Variants in CENPP observed in about 807,000 individuals in gnomAD.
CENPP encodes centromere protein P.
In CENPP, 24 loss-of-function variants were observed where a neutral mutation model predicts 35.6. That is an observed-to-expected ratio of 0.67 (90% CI 0.49 to 0.95). CENPP has a LOEUF of 0.95. CENPP is among the 40% of genes least tolerant of loss of function. The pLI is 0.00. For missense variants in CENPP, 332 were observed against 345.3 expected (o/e 0.96, Z 0.31); for synonymous variants, 120 against 125.5 (o/e 0.96, Z 0.29).
At chr9:92,567,403 T>TAGATAGATAGATAG (rs1176766190) in intron 5 of CENPP, among the ~76,000 whole-genome samples, 4 of 138,674 alleles carry the variant, frequency 2.9e-5, no homozygotes, top group South Asian at 2.2e-4. Flanking sequence ...TATAGATATA[T>TAGATAGATAGATAG]ATATAAAGTG....
intron 5 of CENPP, chr9:92,457,189 C>T (rs1172086774): frequency 6.8e-7 from 1 of 1,460,056 alleles, no homozygotes; most frequent in Admixed American, 2.6e-5. Context: ...TAGATATTTG[C>T]TTGTATATAT....
intron 5 of CENPP, among the ~76,000 whole-genome samples, chr9:92,544,427 G>A (rs538639455): frequency 6.6e-6 from 1 of 152,178 alleles, no homozygotes; most frequent in Non-Finnish European, 1.5e-5. Context: ...AGCGAGCCAC[G>A]ATTGCACCAC....
At chr9:92,496,616 A>G in intron 5 of CENPP, 2 of 1,100,344 alleles carry the variant, frequency 1.8e-6, no homozygotes, top group East Asian at 3.0e-5. Flanking sequence ...AATAAATTCC[A>G]ACTACGTCAG....
chr9:92,385,543 C>G, intron 5 of CENPP: 1 of 1,262,578 alleles, frequency 7.9e-7, no homozygotes, highest in Non-Finnish European at 1.1e-6. Flanking sequence ...TAAACCAATA[C>G]TTAAGTTCCT....
At chr9:92,551,912 A>AT (rs1849595207) in intron 5 of CENPP, among the ~76,000 whole-genome samples, 1 of 101,490 alleles carries the variant, frequency 9.9e-6, no homozygotes, top group Non-Finnish European at 2.0e-5. Flanking sequence ...TTTGTTATAT[A>AT]TATGGTGTGT....
intron 4 of CENPP, among the ~76,000 whole-genome samples, chr9:92,378,258 A>G (rs1006343096): frequency 2.0e-5 from 3 of 152,120 alleles, no homozygotes; most frequent in Non-Finnish European, 4.4e-5. Flanking sequence ...TAGGAGTGAA[A>G]GGGGCACAGC....
At chr9:92,471,523 A>G (rs1845515772) in intron 5 of CENPP, among the ~76,000 whole-genome samples, 1 of 151,996 alleles carries the variant, frequency 6.6e-6, no homozygotes, top group African/African-American at 2.4e-5. Flanking sequence ...GAAGCCTTAG[A>G]TAGTTGTGTT....
At chr9:92,601,608 G>A (rs1243213724) in intron 5 of CENPP, among the ~76,000 whole-genome samples, 4 of 152,182 alleles carry the variant, frequency 2.6e-5, no homozygotes, top group African/African-American at 2.4e-5. Context: ...TATTAGGCCC[G>A]GGAAAGTCTC....
intron 5 of CENPP, among the ~76,000 whole-genome samples, chr9:92,601,667 G>A (rs1047075704): frequency 1.3e-5 from 2 of 152,206 alleles, no homozygotes; most frequent in African/African-American, 4.8e-5. Context: ...CACGCTCCAT[G>A]TGCCCACAGA....
At chr9:92,580,791 G>C (rs372417954) in intron 5 of CENPP, among the ~76,000 whole-genome samples, 38 of 152,318 alleles carry the variant, frequency 2.5e-4, no homozygotes, top group African/African-American at 6.3e-4. Context: ...TTTTTTGTGT[G>C]TCTATTTCCT....
chr9:92,453,306 T>C (rs1272239046), intron 5 of CENPP, among the ~76,000 whole-genome samples: 3 of 152,204 alleles, frequency 2.0e-5, no homozygotes, highest in Non-Finnish European at 2.9e-5. Context: ...TGTGTCTTTG[T>C]TCTCATTGGT....
chr9:92,339,247 C>T (rs998031054), intron 3 of CENPP, among the ~76,000 whole-genome samples: 3 of 152,196 alleles, frequency 2.0e-5, no homozygotes, highest in Non-Finnish European at 4.4e-5. Context: ...ATTCCTTATC[C>T]TTTTCATCAG....
At chr9:92,406,892 G>C (rs190040588) in intron 5 of CENPP, among the ~76,000 whole-genome samples, 10 of 152,252 alleles carry the variant, frequency 6.6e-5, no homozygotes, top group Admixed American at 6.5e-4. Context: ...CCGCACTTCT[G>C]ATACCAACAG....
intron 1 of CENPP, among the ~76,000 whole-genome samples, chr9:92,330,632 T>C (rs539835102): frequency 6.6e-6 from 1 of 151,944 alleles, no homozygotes; most frequent in South Asian, 2.1e-4. Flanking sequence ...TCTAATACAA[T>C]TATTAGCTAA....
intron 5 of CENPP, among the ~76,000 whole-genome samples, chr9:92,453,428 A>G (rs150625182): frequency 6.6e-6 from 1 of 152,102 alleles, no homozygotes; most frequent in Non-Finnish European, 1.5e-5. Context: ...GTTTCTTAAT[A>G]CTGAGTTCTA....
At chr9:92,440,383 A>AAATAAATCAATCAATC (rs1336594042) in intron 5 of CENPP, among the ~76,000 whole-genome samples, 1 of 151,890 alleles carries the variant, frequency 6.6e-6, no homozygotes. Flanking sequence ...ATAAATAAAT[A>AAATAAATCAATCAATC]AATCACAAGA....
At chr9:92,392,317 T>C (rs1842717014) in intron 5 of CENPP, among the ~76,000 whole-genome samples, 1 of 152,162 alleles carries the variant, frequency 6.6e-6, no homozygotes. Flanking sequence ...TAGGACCTAG[T>C]ATCAGTATTT....
At chr9:92,532,015 G>GTTTTTTTTTTTGTTTTTTTTTT (rs1848801440) in intron 5 of CENPP, among the ~76,000 whole-genome samples, 2 of 95,736 alleles carry the variant, frequency 2.1e-5, no homozygotes, top group African/African-American at 1.2e-4. Flanking sequence ...TTTATTTAAT[G>GTTTTTTTTTTTGTTTTTTTTTT]TTTTTTTTTT....
intron 1 of CENPP, among the ~76,000 whole-genome samples, chr9:92,326,825 A>G (rs966448701): frequency 9.9e-5 from 15 of 152,256 alleles, no homozygotes; most frequent in African/African-American, 3.1e-4. Flanking sequence ...TCTCGAAAAC[A>G]TAAACTGTCT....
Sources: allele counts gnomAD v4.1 joint callset (sites outside exome capture counted in the v4.1 genomes callset), GRCh38; gene constraint gnomAD v4.1.1; transcripts MANE v1.5; gene names NCBI Gene and HGNC (gene_info 2026-07-23, HGNC 2026-07-21).